The following IL1R1 variants were observed in gnomAD, a reference collection of about 807,000 sequenced individuals.
The protein encoded by IL1R1 is interleukin 1 receptor type 1.
A neutral mutation model predicts 50.2 loss-of-function variants in IL1R1; 22 were observed. That is an observed-to-expected ratio of 0.44 (90% CI 0.31 to 0.63). IL1R1 has a LOEUF of 0.63. Among genes scored for constraint, IL1R1 ranks in the 20% least tolerant of loss-of-function variants. The probability of loss-of-function intolerance (pLI) is 0.07; values close to 1 mark genes in which losing one functional copy is unlikely to be tolerated. For missense variants in IL1R1, 509 were observed against 676.2 expected (o/e 0.75, Z 2.74); for synonymous variants, 251 against 236.7 (o/e 1.06, Z -0.55).
chr2:102,088,993 G>A (rs1679546001), intron 1 of IL1R1, among the ~76,000 whole-genome samples: 1 of 152,188 alleles, frequency 6.6e-6, no homozygotes, highest in African/African-American at 2.4e-5. Context: ...AGAATGTTGG[G>A]TCTGTTTTGA....
At chr2:102,136,376 T>C (rs1045856393) in intron 1 of IL1R1, among the ~76,000 whole-genome samples, 1 of 142,584 alleles carries the variant, frequency 7.0e-6, no homozygotes, top group African/African-American at 2.6e-5. Flanking sequence ...ATAACAGTAT[T>C]TTTTTTTTTT....
chr2:102,170,097 C>G (rs1685544396), intron 7 of IL1R1, among the ~76,000 whole-genome samples: 1 of 152,130 alleles, frequency 6.6e-6, no homozygotes, highest in African/African-American at 2.4e-5. Flanking sequence ...CAAAAAAAAG[C>G]TTCAAATTAG....
Position 102,117,860 on chromosome 2 carries a change from G to A in IL1R1, c.-84+12988G>A, listed in dbSNP as rs1037385229. ...AGAGTACCAAAGCTGTGAGTTCCTG[G>A]GAGTTTTCCGTCAAAATCAGTCCTC... On this transcript the variant is annotated intron_variant, in intron 1 of 10. Transcript: ENST00000409329. Among the ~76,000 whole-genome samples the A allele has an allele frequency of 5.9e-5, 9 of 151,916 alleles. No individual in the cohort carries two copies. The South Asian group carries it at 1.0e-3, about 18-fold the overall frequency.
At chr2:102,133,901 CAAA>C (rs10566008) in intron 1 of IL1R1, among the ~76,000 whole-genome samples, 40 of 141,608 alleles carry the variant, frequency 2.8e-4, no homozygotes, top group South Asian at 9.0e-4. Flanking sequence ...CTAGCTGGTG[CAAA>C]AAAAAAAAAA....
chr2:102,153,676 A>C (rs1450859599), intron 1 of IL1R1, among the ~76,000 whole-genome samples: 1 of 151,982 alleles, frequency 6.6e-6, no homozygotes, highest in Non-Finnish European at 1.5e-5. Flanking sequence ...AGTGTTTGGC[A>C]CTTCCCCCCT....
chr2:102,113,036 C>T (rs550080008), intron 1 of IL1R1, among the ~76,000 whole-genome samples: 14 of 152,312 alleles, frequency 9.2e-5, no homozygotes, highest in East Asian at 1.9e-4. Flanking sequence ...CTGTCAGAAC[C>T]GTGATCTTAC....
intron 1 of IL1R1, among the ~76,000 whole-genome samples, chr2:102,119,736 T>C (rs1008217590): frequency 3.3e-5 from 5 of 152,204 alleles, no homozygotes; most frequent in Non-Finnish European, 5.9e-5. Context: ...GTACACATTA[T>C]GGAATGATCA....
Position 102,176,903 on chromosome 2 carries a change from A to G in IL1R1, c.*144A>G. The G allele has an allele frequency of 1.3e-6, 1 of 787,712 alleles. No individual in the cohort carries two copies. The highest frequency in any genetic ancestry group is 2.0e-6 in the Non-Finnish European group (1 of 490,282). 48.8% of individuals were successfully genotyped at this position (787,712 alleles called of 1,614,324 possible). A position where few individuals can be genotyped will look rare whatever the true frequency, so the allele number is the denominator to read the frequency against. On this transcript the variant is annotated 3_prime_UTR_variant, in exon 12 of 12. Coordinates refer to ENST00000410023, the MANE Select transcript of IL1R1 (RefSeq NM_000877.4). ...TGAGGTCACCTGGAATCAGATTATT[A>G]AGGGAATAAGCCATGACGTCAATAG...
chr2:102,157,183 T>C (rs988432214), intron 2 of IL1R1, among the ~76,000 whole-genome samples: 1 of 152,190 alleles, frequency 6.6e-6, no homozygotes, highest in Admixed American at 6.5e-5. Flanking sequence ...TCATTTCTTT[T>C]AGTTTTTTTG....
At chr2:102,148,981 C>CAAAT (rs1553632095) in intron 1 of IL1R1, among the ~76,000 whole-genome samples, 1 of 147,452 alleles carries the variant, frequency 6.8e-6, no homozygotes, top group African/African-American at 2.5e-5. Context: ...AACAAACAAA[C>CAAAT]GGGTAACAGG....
chr2:102,124,391 G>T (rs1419105043), intron 1 of IL1R1, among the ~76,000 whole-genome samples: 2 of 151,966 alleles, frequency 1.3e-5, no homozygotes, highest in African/African-American at 4.8e-5. Context: ...CTGCACTCCA[G>T]CCTGGGTGAC....
intron 1 of IL1R1, among the ~76,000 whole-genome samples, chr2:102,150,507 T>C (rs1577968256): frequency 1.3e-5 from 2 of 152,266 alleles, no homozygotes; most frequent in Non-Finnish European, 2.9e-5. Flanking sequence ...ATTTTGTCTT[T>C]AATCAACAAG....
intron 1 of IL1R1, among the ~76,000 whole-genome samples, chr2:102,122,522 G>A (rs937390164): frequency 2.0e-5 from 3 of 152,188 alleles, no homozygotes; most frequent in East Asian, 1.9e-4. Flanking sequence ...ACTAACAGGC[G>A]TGAGTGAGGG....
chr2:102,168,575 C>G (rs865802708), intron 6 of IL1R1, 23 bp from the exon 7 acceptor site: 3 of 1,600,284 alleles, frequency 1.9e-6, no homozygotes, highest in South Asian at 1.1e-5. Context: ...GACTGACAAA[C>G]CTTATGGATG....
intron 1 of IL1R1, among the ~76,000 whole-genome samples, chr2:102,078,328 C>G (rs1031634972): frequency 1.3e-5 from 2 of 151,752 alleles, no homozygotes; most frequent in Admixed American, 1.3e-4. Context: ...CTGGACTGAT[C>G]AAAAATTGAA....
intron 3 of IL1R1, among the ~76,000 whole-genome samples, chr2:102,162,483 C>T (rs556768134): frequency 6.6e-6 from 1 of 151,356 alleles, no homozygotes; most frequent in Non-Finnish European, 1.5e-5. Context: ...ATTTTTTTCT[C>T]TTTTTTTGCT....
intron 6 of IL1R1, among the ~76,000 whole-genome samples, chr2:102,166,829 T>C (rs1029218495): frequency 6.6e-6 from 1 of 152,192 alleles, no homozygotes; most frequent in Non-Finnish European, 1.5e-5. Context: ...ACACGAAACT[T>C]GTGTACCTGG....
In IL1R1 at chr2:102,179,786, A is replaced by G. The variant is rs965860920; in HGVS notation, c.*3027A>G. On this transcript the variant is annotated 3_prime_UTR_variant, in exon 12 of 12. Coordinates refer to ENST00000410023, the MANE Select transcript of IL1R1 (RefSeq NM_000877.4). Reference sequence around the variant, plus strand: ...GCAGCAGAAGCCAAATTTTTTGTATATTAAAGCACCAAATTCATGTACAGC... The same window carrying G: ...GCAGCAGAAGCCAAATTTTTTGTATGTTAAAGCACCAAATTCATGTACAGC... 1 of 152,764 alleles carries G rather than the reference A, an allele frequency of 6.5e-6. No homozygotes were observed. Among genetic ancestry groups the G allele is most frequent in the African/African-American group, 2.4e-5 (1 of 41,444 alleles). The allele number at this position is 152,764 out of a possible 1,614,324, so 9.5% of individuals were successfully genotyped here. A position where few individuals can be genotyped will look rare whatever the true frequency, so the allele number is the denominator to read the frequency against.
rs1007468873 is a variant in IL1R1 at position 102,179,272 on chromosome 2, G to A, written c.*2513G>A. On this transcript the variant is annotated 3_prime_UTR_variant, in exon 12 of 12. Coordinates refer to ENST00000410023, the MANE Select transcript of IL1R1 (RefSeq NM_000877.4). ...TTAGTGACAAAATTGGCCAGAGAGT[G>A]GGGGTGATGATGACCAAGAATTACA... 2 of 152,342 alleles carry A rather than the reference G, an allele frequency of 1.3e-5. No individual in the cohort carries two copies. Among genetic ancestry groups the A allele is most frequent in the African/African-American group, 4.8e-5 (2 of 41,450 alleles). 9.4% of individuals were successfully genotyped at this position (152,342 alleles called of 1,614,324 possible).
Sources: allele counts gnomAD v4.1 joint callset (sites outside exome capture counted in the v4.1 genomes callset), GRCh38; gene constraint gnomAD v4.1.1; transcripts MANE v1.5; gene names NCBI Gene and HGNC (gene_info 2026-07-23, HGNC 2026-07-21).